TFRC: variants seen among roughly 807,000 people sequenced by gnomAD.
TFRC encodes transferrin receptor, also known as transferrin receptor protein 1.
A neutral mutation model predicts 85.8 loss-of-function variants in TFRC; 35 were observed. The observed-to-expected ratio is 0.41, with a 90% CI of 0.31 to 0.54. TFRC has a LOEUF of 0.54. Ranked by LOEUF, TFRC falls within the 20% of genes least tolerant of loss-of-function variation. The pLI is 0.31. For synonymous variants in TFRC, 362 were observed against 328.6 expected, an observed-to-expected ratio of 1.10 and a Z score of -1.10; for missense variants, 828 against 921.5, an observed-to-expected ratio of 0.90 and a Z score of 1.31.
chr3:196,077,057 A>G lies in TFRC; in HGVS notation c.36+7T>C. On this transcript the variant is annotated splice_region_variant and intron_variant, in intron 2 of 18. Transcript: ENST00000360110. ...CAGACACAGAAATACAACTGAAAATATCTTACCAAGTTAGAGAATGCTGAT... is the reference window on the plus strand; with the variant it reads ...CAGACACAGAAATACAACTGAAAATGTCTTACCAAGTTAGAGAATGCTGAT... 4.3e-6 allele frequency: 7 copies of G among 1,613,550 alleles called. No homozygotes were observed. Among genetic ancestry groups the G allele is most frequent in the Non-Finnish European group, 5.9e-6 (7 of 1,179,626 alleles).
In TFRC at chr3:196,067,591, G is replaced by C; in HGVS notation, c.967C>G (p.Pro323Ala). Reference protein sequence around the residue: ...FPSFNHTQFPPSRSSGLPNIP... With the variant: ...FPSFNHTQFPASRSSGLPNIP... ...TTAGGCAATCCTGATGACCGAGATG[G>C]TGGAAACTGAGTGTGATTGAAGGAA... The change falls in exon 9 of 19, where the codon CCA becomes GCA. Residue 323 changes from proline to alanine, a missense_variant. Coordinates refer to ENST00000360110, the MANE Select transcript of TFRC (RefSeq NM_001128148.3). 6.2e-7 allele frequency: 1 copy of C among 1,614,152 alleles called. No homozygotes were observed. Among genetic ancestry groups the C allele is most frequent in the Non-Finnish European group, 8.5e-7 (1 of 1,180,010 alleles).
intron 13 of TFRC, 156 bp from the exon 14 acceptor site, chr3:196,060,403 T>A: frequency 1.5e-6 from 1 of 665,576 alleles, no homozygotes; most frequent in Non-Finnish European, 2.6e-6. Context: ...AAAAGTAATT[T>A]TGGTATCAAG....
chr3:196,073,051 A>ACAAACAAAC (rs1553798527), intron 4 of TFRC, among the ~76,000 whole-genome samples: 2,221 of 147,954 alleles, frequency 0.015, 51 homozygotes, highest in Middle Eastern at 0.046. Flanking sequence ...AAAAAAAAAA[A>ACAAACAAAC]AAAAAAAAAC....
intron 7 of TFRC, among the ~76,000 whole-genome samples, chr3:196,068,966 C>T (rs942410673): frequency 6.7e-6 from 1 of 149,628 alleles, no homozygotes; most frequent in African/African-American, 2.5e-5. Flanking sequence ...ATAACAAAAA[C>T]CCATCTAAGA....
intron 18 of TFRC, among the ~76,000 whole-genome samples, chr3:196,053,072 C>A (rs1172260577): frequency 6.6e-6 from 1 of 151,748 alleles, no homozygotes; most frequent in Non-Finnish European, 1.5e-5. Flanking sequence ...CGAGACCGTG[C>A]CATTGCACTC....
rs41300415 is a variant in TFRC, at chr3:196,081,058, G to C, written c.-24+985C>G. On this transcript the variant is annotated intron_variant, in intron 1 of 18. Transcript: ENST00000360110. ...GCAGAGGGAAAGCGTTATCCGAAAA[G>C]AGCCGAATCAGAATGTATTTTCTTA... is the stretch of plus-strand genomic sequence containing the variant. 4.2e-3 allele frequency among the ~76,000 whole-genome samples: 644 copies of C among 152,268 alleles called. 3 individuals carry two copies. The highest frequency in any genetic ancestry group is 0.015 in the African/African-American group (604 of 41,560).
chr3:196,065,451 A>G lies in TFRC; in HGVS notation c.1190T>C (p.Val397Ala). 7.5e-7 allele frequency: 1 copy of G among 1,331,210 alleles called. No homozygotes were observed. Among genetic ancestry groups the G allele is most frequent in the Non-Finnish European group, 1.0e-6 (1 of 966,228 alleles). 82.5% of individuals were successfully genotyped at this position (1,331,210 alleles called of 1,614,324 possible). Reference protein sequence around the residue: ...LNIFGVIKGFVEPDHYVVVGA... With the variant: ...LNIFGVIKGFAEPDHYVVVGA... The stretch of plus-strand genomic sequence containing the variant: ...GGGGGGGCGGTCTTTACCTGGTTCT[A>G]CAAAGCCTTTAATAACTCCAAAGAT... Residue 397 changes from valine (V) to alanine (A), a missense_variant, in exon 10 of 19, where the codon GTA becomes GCA. Physicochemically the swap from Val to Ala is moderately conservative, Grantham distance 64. Transcript: ENST00000360110.
chr3:196,066,175 G>T (rs1717728548), intron 9 of TFRC, among the ~76,000 whole-genome samples: 1 of 152,044 alleles, frequency 6.6e-6, no homozygotes. Flanking sequence ...TTTATATTTG[G>T]AATACATACC....
Position 196,069,537 on chromosome 3 carries a change from T to A in TFRC, c.719A>T (p.Lys240Ile). The change falls in exon 7 of 19, where the codon AAA becomes ATA. Residue 240 changes from lysine (K) to isoleucine (I), a missense_variant. Coordinates refer to ENST00000360110, the MANE Select transcript of TFRC (RefSeq NM_001128148.3). ...AGTGTATAAATCCTCAAAATCTTTT[T>A]TAGTACCAAAATTAGCATGGACCAG... ...GKLVHANFGT[K>I]KDFEDLYTPV... 2 of 1,612,556 alleles carry A rather than the reference T, an allele frequency of 1.2e-6. No individual in the cohort carries two copies. Among genetic ancestry groups the A allele is most frequent in the Non-Finnish European group, 1.7e-6 (2 of 1,178,754 alleles).
chr3:196,080,163 G>C (rs781294462), intron 1 of TFRC, among the ~76,000 whole-genome samples: 7 of 152,216 alleles, frequency 4.6e-5, no homozygotes, highest in Non-Finnish European at 8.8e-5. Flanking sequence ...GAGTGCAGTA[G>C]CACGATCTCA....
intron 1 of TFRC, among the ~76,000 whole-genome samples, chr3:196,081,272 C>A (rs1191816949): frequency 6.6e-6 from 1 of 152,200 alleles, no homozygotes; most frequent in African/African-American, 2.4e-5. Context: ...TGAACACCTG[C>A]GGCGTTCAGT....
chr3:196,073,995 A>G lies in TFRC; in HGVS notation c.369T>C (p.Tyr123=). ...GEDFPAARRL[Y]WDDLKRKLSE... ...ACAACTTTCTCTTCAGGTCATCCCA[A>G]TATAAGCGACGTGCTGCAGGGAAGT... The change falls in exon 4 of 19, where the codon TAT becomes TAC. Residue 123 remains tyrosine (Y), a synonymous_variant. Transcript: ENST00000360110. 6.2e-7 allele frequency: 1 copy of G among 1,614,138 alleles called. No individual in the cohort carries two copies.
Position 196,058,287 on chromosome 3 carries a change from G to A in TFRC, c.1674C>T (p.Cys558=), listed in dbSNP as rs151279600. The change falls in exon 16 of 19, where the codon TGC becomes TGT. Residue 558 remains cysteine (C), a synonymous_variant. Coordinates refer to ENST00000360110, the MANE Select transcript of TFRC (RefSeq NM_001128148.3). ...TCATTTAAATGAACAGACTTACCTC[G>A]CAAAAACAGAAAGAAACTGCTGGGA... is the stretch of plus-strand genomic sequence containing the variant. ...SGIPAVSFCF[C]EDTDYPYLGT... 2.5e-4 allele frequency: 401 copies of A among 1,613,206 alleles called. 1 individual carries two copies. In the African/African-American group the frequency reaches 4.4e-3, roughly 18 times the overall value.
At chr3:196,064,208 G>A in intron 11 of TFRC, 101 bp downstream of exon 11, 4 of 1,274,776 alleles carry the variant, frequency 3.1e-6, no homozygotes, top group Non-Finnish European at 3.1e-6. Flanking sequence ...AGTCTAGCAT[G>A]AGAACCACAG....
intron 7 of TFRC, among the ~76,000 whole-genome samples, chr3:196,068,957 T>G (rs374868958): frequency 8.1e-6 from 1 of 123,886 alleles, no homozygotes; most frequent in African/African-American, 3.0e-5. Flanking sequence ...AAAAGAAAAA[T>G]AACAAAAACC....
rs1716996259 is a variant in TFRC at position 196,058,402 on chromosome 3, T to C, written c.1596-37A>G. 3 of 1,591,418 alleles carry C rather than the reference T, an allele frequency of 1.9e-6. No homozygotes were observed. In the African/African-American group the frequency reaches 4.0e-5, roughly 21 times the overall value. ...AAGAATGTGTCTTTAGAAAGTGTTT[T>C]AAAGAATAGACTGTTCTATCGTGCT... On this transcript the variant is annotated intron_variant, in intron 15 of 18. Coordinates refer to ENST00000360110, the MANE Select transcript of TFRC (RefSeq NM_001128148.3).
chr3:196,075,062 A>G, intron 3 of TFRC, 97 bp downstream of exon 3: 1 of 704,110 alleles, frequency 1.4e-6, no homozygotes, highest in Non-Finnish European at 2.2e-6. Context: ...AAAAAAAAAA[A>G]AAAATAAGGT....
rs1716318920 is a variant in TFRC, at chr3:196,051,672, A to C, written c.*270T>G. 5 of 430,250 alleles carry C rather than the reference A, an allele frequency of 1.2e-5. No individual in the cohort carries two copies. The East Asian group carries it at 1.9e-4, about 17-fold the overall frequency. The allele number at this position is 430,250 out of a possible 1,614,324, so 26.7% of individuals were successfully genotyped here. ...ATTTTCATTAACAACAACAGGAAAG[A>C]GGCAGTTCCCATTACAAAGCACTTA... On this transcript the variant is annotated 3_prime_UTR_variant, in exon 19 of 19. Transcript: ENST00000360110.
chr3:196,053,287 C>A, intron 18 of TFRC, 131 bp downstream of exon 18: 2 of 996,026 alleles, frequency 2.0e-6, no homozygotes, highest in Non-Finnish European at 3.0e-6. Context: ...CAGAAAATGA[C>A]AGCTAAACCA....
Sources: gnomAD v4.1 joint callset for allele counts (sites outside exome capture counted in the v4.1 genomes callset) on GRCh38, gnomAD v4.1.1 for gene constraint, MANE v1.5 for transcripts, NCBI Gene and HGNC (gene_info 2026-07-23, HGNC 2026-07-21) for gene names.